Variants in CD2AP observed in about 807,000 individuals in gnomAD.
CD2AP encodes the protein CD2 associated protein.
Under a neutral mutation model 85.1 loss-of-function variants are expected in CD2AP, and 46 were observed. That is an observed-to-expected ratio of 0.54 (90% CI 0.43 to 0.69). The LOEUF (loss-of-function observed/expected upper bound fraction) is 0.69. Ranked by LOEUF, CD2AP falls within the 30% of genes least tolerant of loss-of-function variation. CD2AP has a pLI of 0.00. For synonymous variants in CD2AP, 255 were observed against 252.9 expected (o/e 1.01, Z -0.08); for missense variants, 769 against 729.5 (o/e 1.05, Z -0.62).
At chr6:47,529,025 G>C (rs996780033) in intron 2 of CD2AP, among the ~76,000 whole-genome samples, 2 of 151,888 alleles carry the variant, frequency 1.3e-5, no homozygotes, top group Admixed American at 1.3e-4. Context: ...CAGGAACTTG[G>C]GCATCATCTT....
At chr6:47,542,616 A>G (rs1194163228) in intron 3 of CD2AP, among the ~76,000 whole-genome samples, 6 of 152,196 alleles carry the variant, frequency 3.9e-5, no homozygotes, top group Non-Finnish European at 8.8e-5. Context: ...GGCCCTCACC[A>G]GATATAAAAT....
intron 17 of CD2AP, among the ~76,000 whole-genome samples, chr6:47,618,773 G>A (rs911998869): frequency 6.6e-6 from 1 of 152,080 alleles, no homozygotes; most frequent in East Asian, 1.9e-4. Flanking sequence ...TTCTCTTTTG[G>A]ATAATTCAGT....
Position 47,533,759 on chromosome 6 carries a change from T to C in CD2AP, c.319+4T>C, listed in dbSNP as rs374764310. ...CAAACCAAAAACATTAAGAAGAGTA[T>C]GTAAATAATTCCTTTCCTGCATAAT... On this transcript the variant is annotated splice_donor_region_variant and intron_variant, in intron 3 of 17. Transcript: ENST00000359314. The C allele has an allele frequency of 3.1e-6, 5 of 1,613,528 alleles. No homozygotes were observed. Among genetic ancestry groups the C allele is most frequent in the South Asian group, 2.2e-5 (2 of 91,028 alleles).
chr6:47,624,568 T>C lies in CD2AP; in HGVS notation c.*341T>C. Reference sequence around the variant, plus strand: ...TTTAAAGAGATCTATACTATAAATATGGTGATATATTTACAAGTAATCTGT... The same window carrying C: ...TTTAAAGAGATCTATACTATAAATACGGTGATATATTTACAAGTAATCTGT... On this transcript the variant is annotated 3_prime_UTR_variant, in exon 18 of 18. Coordinates refer to ENST00000359314, the MANE Select transcript of CD2AP (RefSeq NM_012120.3). The C allele has an allele frequency of 4.6e-6, 1 of 218,242 alleles. No individual in the cohort carries two copies. 13.5% of individuals were successfully genotyped at this position (218,242 alleles called of 1,614,324 possible).
intron 17 of CD2AP, among the ~76,000 whole-genome samples, chr6:47,622,080 A>T (rs1769760685): frequency 6.6e-6 from 1 of 152,186 alleles, no homozygotes; most frequent in East Asian, 1.9e-4. Flanking sequence ...GCTAGGAGGA[A>T]TATGGCTGCC....
At chr6:47,564,584 GC>G (rs1474819361) in intron 5 of CD2AP, among the ~76,000 whole-genome samples, 5 of 152,050 alleles carry the variant, frequency 3.3e-5, no homozygotes, top group Admixed American at 3.3e-4. Flanking sequence ...TAAATGTGGA[GC>G]TTTGTGATTA....
chr6:47,484,245 G>A (rs1053299423), intron 1 of CD2AP, among the ~76,000 whole-genome samples: 1 of 152,052 alleles, frequency 6.6e-6, no homozygotes, highest in South Asian at 2.1e-4. Flanking sequence ...CTGAGACCAT[G>A]CTGTACTCAT....
chr6:47,479,689 C>T (rs888510122), intron 1 of CD2AP, among the ~76,000 whole-genome samples: 1 of 152,174 alleles, frequency 6.6e-6, no homozygotes, highest in African/African-American at 2.4e-5. Context: ...CAGTTCTTTT[C>T]TGTCTTAAAT....
rs1160194923 is a variant in CD2AP, at chr6:47,626,767, C to G, written c.*2540C>G. 6.6e-6 allele frequency: 1 copy of G among 152,392 alleles called. No individual in the cohort carries two copies. The highest frequency in any genetic ancestry group is 1.5e-5 in the Non-Finnish European group (1 of 67,878). The allele number at this position is 152,392 out of a possible 1,614,324, so 9.4% of individuals were successfully genotyped here. A position where few individuals can be genotyped will look rare whatever the true frequency, so the allele number is the denominator to read the frequency against. On this transcript the variant is annotated 3_prime_UTR_variant, in exon 18 of 18. Transcript: ENST00000359314. ...AGTGCTCTCTAGATTTGTTGATAAA[C>G]ATTTTATGCTTGCATTTAAACTTGA... is the stretch of plus-strand genomic sequence containing the variant.
intron 2 of CD2AP, among the ~76,000 whole-genome samples, chr6:47,527,051 T>C (rs775126668): frequency 2.0e-5 from 3 of 152,188 alleles, no homozygotes; most frequent in Non-Finnish European, 4.4e-5. Context: ...TGTTTTGTAC[T>C]TAGTAATTTT....
intron 13 of CD2AP, among the ~76,000 whole-genome samples, chr6:47,601,786 C>T (rs1488759223): frequency 6.6e-6 from 1 of 151,900 alleles, no homozygotes; most frequent in Non-Finnish European, 1.5e-5. Flanking sequence ...TGAAAACATA[C>T]ATGAAAAACT....
At chr6:47,543,066 G>A (rs920651640) in intron 3 of CD2AP, among the ~76,000 whole-genome samples, 6 of 144,398 alleles carry the variant, frequency 4.2e-5, no homozygotes, top group African/African-American at 1.3e-4. Flanking sequence ...CAGGAGAATC[G>A]CTTGAACTCG....
At chr6:47,592,382 A>G (rs981912998) in intron 11 of CD2AP, among the ~76,000 whole-genome samples, 1 of 152,166 alleles carries the variant, frequency 6.6e-6, no homozygotes, top group Non-Finnish European at 1.5e-5. Context: ...TATAAGAGTT[A>G]AAACTCTTAG....
At chr6:47,611,381 G>GC in intron 16 of CD2AP, among the ~76,000 whole-genome samples, 1 of 91,946 alleles carries the variant, frequency 1.1e-5, no homozygotes, top group Non-Finnish European at 2.8e-5. Flanking sequence ...CTATGGAAGA[G>GC]GGGGGGAATA....
At chr6:47,496,356 CTTTG>C (rs1305683430) in intron 1 of CD2AP, among the ~76,000 whole-genome samples, 1 of 152,066 alleles carries the variant, frequency 6.6e-6, no homozygotes, top group Non-Finnish European at 1.5e-5. Flanking sequence ...CTTTGATAAC[CTTTG>C]TTTTACGATT....
intron 1 of CD2AP, among the ~76,000 whole-genome samples, chr6:47,490,672 TTAAG>T (rs1354547752): frequency 6.6e-6 from 1 of 152,172 alleles, no homozygotes; most frequent in East Asian, 1.9e-4. Flanking sequence ...TAAACTTTGA[TTAAG>T]TTTTTTTGGT....
chr6:47,564,917 A>C (rs1009631521), intron 5 of CD2AP, among the ~76,000 whole-genome samples: 13 of 152,016 alleles, frequency 8.6e-5, no homozygotes, highest in African/African-American at 3.1e-4. Flanking sequence ...TGATTATATC[A>C]TATAGTTTCT....
intron 17 of CD2AP, among the ~76,000 whole-genome samples, chr6:47,617,255 A>T (rs2114160404): frequency 6.6e-6 from 1 of 152,272 alleles, no homozygotes; most frequent in Non-Finnish European, 1.5e-5. Flanking sequence ...ATGAGCCACC[A>T]TGCCTGGCCT....
Position 47,625,181 on chromosome 6 carries a change from GA to G in CD2AP, c.*955del, listed in dbSNP as rs1769879199. On this transcript the variant is annotated 3_prime_UTR_variant, in exon 18 of 18. Coordinates refer to ENST00000359314, the MANE Select transcript of CD2AP (RefSeq NM_012120.3). ...CTTAGTTCTTCATGTTTCTCCTTCT[GA>G]CTTTTAATAATGGTAATAGGAAAAC... 1.3e-5 allele frequency: 2 copies of G among 151,640 alleles called. No individual in the cohort carries two copies. The highest frequency in any genetic ancestry group is 4.8e-5 in the African/African-American group (2 of 41,342). 9.4% of individuals were successfully genotyped at this position (151,640 alleles called of 1,614,324 possible).
Sources: allele counts gnomAD v4.1 joint callset (sites outside exome capture counted in the v4.1 genomes callset), GRCh38; gene constraint gnomAD v4.1.1; transcripts MANE v1.5; gene names NCBI Gene and HGNC (gene_info 2026-07-23, HGNC 2026-07-21).